The following RSU1 variants were observed in gnomAD, a reference collection of about 807,000 sequenced individuals.
The protein encoded by RSU1 is rsu-1.
Under a neutral mutation model 31.1 loss-of-function variants are expected in RSU1, and 26 were observed. The observed-to-expected ratio is 0.84, with a 90% confidence interval of 0.61 to 1.16. The LOEUF (loss-of-function observed/expected upper bound fraction) is 1.16. Among genes scored for constraint, RSU1 ranks in the 50% most tolerant of loss-of-function variants. The pLI is 0.00. For missense variants in RSU1, 320 were observed against 339.1 expected (o/e 0.94, Z 0.44); for synonymous variants, 164 against 136.3 (o/e 1.20, Z -1.41).
At chr10:16,756,882 G>A (rs1007054032) in intron 4 of RSU1, among the ~76,000 whole-genome samples, 5 of 146,820 alleles carry the variant, frequency 3.4e-5, no homozygotes, top group Admixed American at 1.4e-4. Context: ...TGGGTGTTTC[G>A]TGTGGTGTGT....
intron 8 of RSU1, among the ~76,000 whole-genome samples, chr10:16,682,530 AT>A (rs2131549875): frequency 7.4e-6 from 1 of 134,876 alleles, no homozygotes; most frequent in African/African-American, 2.9e-5. Context: ...TTTTAAAATC[AT>A]TCATACACAC....
In RSU1 at chr10:16,759,514, A is replaced by G. The variant is rs576674831; in HGVS notation, c.282-4525T>C. Among the ~76,000 whole-genome samples the G allele has an allele frequency of 2.6e-5, 4 of 152,318 alleles. No homozygotes were observed. The East Asian group carries it at 7.7e-4, about 29-fold the overall frequency. On this transcript the variant is annotated intron_variant, in intron 4 of 8. Transcript: ENST00000345264. ...AGAGTGAGATCTTGTCTCAAAAAATATATAAATAAATAATCCAAATCCACA... is the reference window on the plus strand; with the variant it reads ...AGAGTGAGATCTTGTCTCAAAAAATGTATAAATAAATAATCCAAATCCACA...
In RSU1 at chr10:16,776,762, C is replaced by T. The variant is rs1368331927; in HGVS notation, c.160+5272G>A. On this transcript the variant is annotated intron_variant, in intron 3 of 8. Transcript: ENST00000345264. ...AAGATATCCTTGGTTATTTCTTGCACAAAATGACGAATGTCTAATCCTCAA... is the reference window on the plus strand; with the variant it reads ...AAGATATCCTTGGTTATTTCTTGCATAAAATGACGAATGTCTAATCCTCAA... 3.6e-5 allele frequency among the ~76,000 whole-genome samples: 5 copies of T among 138,492 alleles called. No individual in the cohort carries two copies. In the South Asian group the frequency reaches 9.6e-4, roughly 27 times the overall value. The allele number at this position is 138,492 out of a possible 152,430, so 90.9% of individuals were successfully genotyped here.
chr10:16,620,635 G>A (rs1478388473), intron 8 of RSU1, among the ~76,000 whole-genome samples: 2 of 151,784 alleles, frequency 1.3e-5, no homozygotes, highest in Admixed American at 6.6e-5. Context: ...CATGAAGTCA[G>A]GAGATCAAGA....
intron 2 of RSU1, among the ~76,000 whole-genome samples, chr10:16,798,175 C>G (rs1838080642): frequency 6.6e-6 from 1 of 151,822 alleles, no homozygotes; most frequent in African/African-American, 2.4e-5. Context: ...AGAAATGAAG[C>G]AAGAACAGGG....
intron 7 of RSU1, among the ~76,000 whole-genome samples, chr10:16,697,789 G>C (rs909656037): frequency 6.6e-6 from 1 of 151,958 alleles, no homozygotes; most frequent in Non-Finnish European, 1.5e-5. Context: ...TAAGCTAAGG[G>C]GATTTTCTAG....
At chr10:16,633,433 C>T (rs1038769983) in intron 8 of RSU1, among the ~76,000 whole-genome samples, 1 of 152,032 alleles carries the variant, frequency 6.6e-6, no homozygotes, top group Non-Finnish European at 1.5e-5. Flanking sequence ...CTTATTGTGT[C>T]CAACACCCAT....
At chr10:16,661,736 C>T (rs987289725) in intron 8 of RSU1, among the ~76,000 whole-genome samples, 1 of 152,176 alleles carries the variant, frequency 6.6e-6, no homozygotes, top group Non-Finnish European at 1.5e-5. Context: ...GTTTCGTCCT[C>T]CAACTGCAAC....
chr10:16,676,258 T>C (rs1298010900), intron 8 of RSU1, among the ~76,000 whole-genome samples: 1 of 152,188 alleles, frequency 6.6e-6, no homozygotes, highest in Non-Finnish European at 1.5e-5. Flanking sequence ...AAAAAGAGGC[T>C]TAATGGACTC....
intron 8 of RSU1, among the ~76,000 whole-genome samples, chr10:16,606,985 G>A (rs1319275925): frequency 6.6e-6 from 1 of 152,152 alleles, no homozygotes; most frequent in Admixed American, 6.6e-5. Context: ...ATGGCCGTGT[G>A]CTATAGTTTG....
chr10:16,768,591 G>T (rs34613695), intron 3 of RSU1, among the ~76,000 whole-genome samples: 9,342 of 152,196 alleles, frequency 0.061, 372 homozygotes, highest in East Asian at 0.18. Context: ...AGCCTCTGCT[G>T]TTTTGGAAAG....
At chr10:16,663,675 C>A (rs975604073) in intron 8 of RSU1, among the ~76,000 whole-genome samples, 4 of 152,126 alleles carry the variant, frequency 2.6e-5, no homozygotes, top group African/African-American at 9.7e-5. Flanking sequence ...AGAGGTCACC[C>A]TTGCACTCTC....
At chr10:16,620,122 A>T (rs140925690) in intron 8 of RSU1, among the ~76,000 whole-genome samples, 1 of 152,164 alleles carries the variant, frequency 6.6e-6, no homozygotes. Context: ...CAGAATAGCA[A>T]TGTCAGTGGT....
chr10:16,772,010 GC>G (rs1837433002), intron 3 of RSU1, among the ~76,000 whole-genome samples: 1 of 152,158 alleles, frequency 6.6e-6, no homozygotes, highest in Non-Finnish European at 1.5e-5. Flanking sequence ...GGGGACCTGT[GC>G]CCCAAAAGCA....
intron 3 of RSU1, among the ~76,000 whole-genome samples, chr10:16,771,124 T>G (rs1165757389): frequency 6.6e-6 from 1 of 152,178 alleles, no homozygotes. Context: ...TTTAGATAAC[T>G]TAGTATGTTA....
Position 16,702,632 on chromosome 10 carries a change from T to C in RSU1, c.599-7477A>G, listed in dbSNP as rs1286456539. ...TTTCTTTTGGCCAATTTCTCCCTAC[T>C]GGAACAGGAGTATTTACCCAATGCC... On this transcript the variant is annotated intron_variant, in intron 7 of 8. Coordinates refer to ENST00000345264, the MANE Select transcript of RSU1 (RefSeq NM_012425.4). Among the ~76,000 whole-genome samples, 6 of 152,342 alleles carry C rather than the reference T, an allele frequency of 3.9e-5. No homozygotes were observed. The South Asian group carries it at 1.2e-3, about 32-fold the overall frequency.
In RSU1 at chr10:16,658,827, T is replaced by C. The variant is rs1003510675; in HGVS notation, c.731+36196A>G. 2.6e-5 allele frequency among the ~76,000 whole-genome samples: 4 copies of C among 152,226 alleles called. No homozygotes were observed. In the South Asian group the frequency reaches 8.3e-4, roughly 32 times the overall value. On this transcript the variant is annotated intron_variant, in intron 8 of 8. Transcript: ENST00000345264. ...TATGTTTGATAAAACCCTAGAGAAC[T>C]TAGACTATACATGTCTGCCTTGGTC...
At chr10:16,648,495 T>A (rs971737533) in intron 8 of RSU1, among the ~76,000 whole-genome samples, 5 of 152,080 alleles carry the variant, frequency 3.3e-5, no homozygotes, top group African/African-American at 9.7e-5. Context: ...GCCTCCACAT[T>A]TGAGAGAGAG....
intron 7 of RSU1, among the ~76,000 whole-genome samples, chr10:16,705,129 T>C (rs1835870595): frequency 6.6e-6 from 1 of 152,200 alleles, no homozygotes; most frequent in Admixed American, 6.6e-5. Context: ...CAGCATTTTT[T>C]CTTTTGGACT....
Sources: gnomAD v4.1 joint callset for allele counts (sites outside exome capture counted in the v4.1 genomes callset) on GRCh38, gnomAD v4.1.1 for gene constraint, MANE v1.5 for transcripts, NCBI Gene and HGNC (gene_info 2026-07-23, HGNC 2026-07-21) for gene names.